ARHGAP10: variants seen among roughly 807,000 people sequenced by gnomAD.
The protein encoded by ARHGAP10 is Rho GTPase activating protein 10.
Under a neutral mutation model 108.6 loss-of-function variants are expected in ARHGAP10, and 87 were observed. The ratio of observed to expected loss-of-function variants is 0.80; its 90% CI spans 0.67 to 0.96. The LOEUF is 0.96. Ranked by LOEUF, ARHGAP10 falls within the 40% of genes least tolerant of loss-of-function variation. ARHGAP10 has a pLI of 0.00. For missense variants in ARHGAP10, 939 were observed against 954.5 expected, an observed-to-expected ratio of 0.98 and a Z score of 0.21; for synonymous variants, 347 against 341.1, an observed-to-expected ratio of 1.02 and a Z score of -0.19.
At chr4:148,053,724 C>A (rs1729242078) in intron 20 of ARHGAP10, among the ~76,000 whole-genome samples, 2 of 152,158 alleles carry the variant, frequency 1.3e-5, no homozygotes, top group Admixed American at 6.5e-5. Context: ...TTTCTTCTCT[C>A]CAGCTTTGTA....
intron 3 of ARHGAP10, among the ~76,000 whole-genome samples, chr4:147,835,076 C>G (rs1716559343): frequency 6.6e-6 from 1 of 152,156 alleles, no homozygotes; most frequent in Admixed American, 6.5e-5. Flanking sequence ...TTTAAATTAT[C>G]TAAATTTATA....
chr4:147,982,365 C>CTTTTTTTTTTTTTT (rs70958599), intron 18 of ARHGAP10, among the ~76,000 whole-genome samples: 5 of 124,628 alleles, frequency 4.0e-5, no homozygotes, highest in African/African-American at 1.2e-4. Context: ...TTCTTTCTTT[C>CTTTTTTTTTTTTTT]TTTTTTTTTT....
chr4:148,059,509 A>G (rs1415298551), intron 20 of ARHGAP10, among the ~76,000 whole-genome samples: 3 of 77,598 alleles, frequency 3.9e-5, no homozygotes, highest in Admixed American at 1.6e-4. Context: ...ATGGTAGGAA[A>G]GGACTCTCAA....
chr4:147,791,687 C>A (rs533124992), intron 1 of ARHGAP10, among the ~76,000 whole-genome samples: 1 of 151,578 alleles, frequency 6.6e-6, no homozygotes, highest in Non-Finnish European at 1.5e-5. Flanking sequence ...TGGGTTCCAG[C>A]GATTCTCCAG....
intron 1 of ARHGAP10, among the ~76,000 whole-genome samples, chr4:147,757,602 A>G (rs1377927054): frequency 2.0e-5 from 3 of 152,164 alleles, no homozygotes; most frequent in African/African-American, 7.2e-5. Flanking sequence ...CATCTGCTGT[A>G]GCATTGACAA....
intron 1 of ARHGAP10, among the ~76,000 whole-genome samples, chr4:147,750,182 C>CG (rs1435503904): frequency 1.8e-4 from 28 of 152,010 alleles, no homozygotes; most frequent in African/African-American, 6.8e-4. Flanking sequence ...CACAGTTTCT[C>CG]GGTTTAATGT....
chr4:147,986,254 C>G lies in ARHGAP10; in HGVS notation c.1716+19415C>G, dbSNP rs191333482. 1.6e-3 allele frequency among the ~76,000 whole-genome samples: 247 copies of G among 152,240 alleles called. 1 individual carries two copies. Among genetic ancestry groups the G allele is most frequent in the African/African-American group, 5.6e-3 (232 of 41,540 alleles). On this transcript the variant is annotated intron_variant, in intron 18 of 22. Coordinates refer to ENST00000336498, the MANE Select transcript of ARHGAP10 (RefSeq NM_024605.4). Reference sequence around the variant, plus strand: ...GGATGAAGTGAGCTACTCCATGCCTCTCACTGCCATTTCCAAATGAGACAC... The same window carrying G: ...GGATGAAGTGAGCTACTCCATGCCTGTCACTGCCATTTCCAAATGAGACAC...
intron 16 of ARHGAP10, among the ~76,000 whole-genome samples, chr4:147,956,613 A>G (rs1432957086): frequency 1.3e-5 from 2 of 152,190 alleles, no homozygotes; most frequent in East Asian, 1.9e-4. Flanking sequence ...AAGAGAAATT[A>G]AACTTAGTTG....
chr4:147,870,255 G>A (rs968696240), intron 7 of ARHGAP10, among the ~76,000 whole-genome samples: 3 of 151,956 alleles, frequency 2.0e-5, no homozygotes, highest in African/African-American at 4.8e-5. Context: ...TAGAGACGGC[G>A]ATTCACCGTG....
chr4:147,766,799 CATATATATATATATATATATATAT>C (rs57572532), intron 1 of ARHGAP10, among the ~76,000 whole-genome samples: 98,366 of 126,528 alleles, frequency 0.78, 40,990 homozygotes, highest in Non-Finnish European at 0.9. Context: ...CATATATTCA[CATATATATATATATATATATATAT>C]ATATATATAT....
intron 18 of ARHGAP10, among the ~76,000 whole-genome samples, chr4:148,018,641 C>T (rs1283609089): frequency 6.6e-6 from 1 of 151,416 alleles, no homozygotes; most frequent in East Asian, 1.9e-4. Context: ...AAAGGTAATG[C>T]ATTCTCAGAA....
At chr4:148,056,479 T>G (rs1413337774) in intron 20 of ARHGAP10, among the ~76,000 whole-genome samples, 1 of 152,196 alleles carries the variant, frequency 6.6e-6, no homozygotes, top group Non-Finnish European at 1.5e-5. Context: ...TTGGAATAGT[T>G]TAAGGTATGC....
intron 18 of ARHGAP10, 79 bp downstream of exon 18, chr4:147,966,918 CT>C (rs1271228292): frequency 3.2e-6 from 4 of 1,234,728 alleles, no homozygotes; most frequent in African/African-American, 1.5e-5. Flanking sequence ...TTAGATTTCC[CT>C]TTTCTCTCTC....
intron 3 of ARHGAP10, among the ~76,000 whole-genome samples, chr4:147,833,942 G>C (rs1163926507): frequency 6.6e-6 from 1 of 152,174 alleles, no homozygotes; most frequent in Non-Finnish European, 1.5e-5. Context: ...TGACTATCAG[G>C]CCCAGCTGCT....
At chr4:148,046,746 AGACAG>A (rs1235807603) in intron 19 of ARHGAP10, 141 bp from the exon 20 acceptor site, 1 of 699,688 alleles carries the variant, frequency 1.4e-6, no homozygotes, top group African/African-American at 1.8e-5. Context: ...AAAAATGTAA[AGACAG>A]GACACCCAGA....
At chr4:147,820,548 A>G (rs1012703489) in intron 1 of ARHGAP10, among the ~76,000 whole-genome samples, 6 of 137,614 alleles carry the variant, frequency 4.4e-5, no homozygotes, top group African/African-American at 1.6e-4. Flanking sequence ...GGCCTCCCAG[A>G]GTGCTGTTAC....
chr4:147,993,495 C>G (rs1740357597), intron 18 of ARHGAP10, among the ~76,000 whole-genome samples: 1 of 152,168 alleles, frequency 6.6e-6, no homozygotes, highest in Non-Finnish European at 1.5e-5. Context: ...CATTAAGCTG[C>G]TATGTGAACA....
intron 13 of ARHGAP10, among the ~76,000 whole-genome samples, chr4:147,931,658 A>G (rs980941177): frequency 6.6e-6 from 1 of 152,206 alleles, no homozygotes; most frequent in Admixed American, 6.5e-5. Flanking sequence ...GAGAAGGTGG[A>G]ATACAGGTTC....
chr4:147,993,485 C>T (rs1395459113), intron 18 of ARHGAP10, among the ~76,000 whole-genome samples: 3 of 152,152 alleles, frequency 2.0e-5, no homozygotes, highest in African/African-American at 4.8e-5. Context: ...ATTCAGCAAA[C>T]ATTAAGCTGC....
Sources: gnomAD v4.1 joint callset for allele counts (sites outside exome capture counted in the v4.1 genomes callset) on GRCh38, gnomAD v4.1.1 for gene constraint, MANE v1.5 for transcripts, NCBI Gene and HGNC (gene_info 2026-07-23, HGNC 2026-07-21) for gene names.